Variants in DTNA observed in about 807,000 individuals in gnomAD.
DTNA encodes the protein dystrophin-related protein 3.
A neutral mutation model predicts 100.7 loss-of-function variants in DTNA; 43 were observed. The ratio of observed to expected loss-of-function variants is 0.43; its 90% confidence interval spans 0.33 to 0.55. The LOEUF (loss-of-function observed/expected upper bound fraction) is 0.55, where lower values mean the gene tolerates loss of function less well. Among genes scored for constraint, DTNA ranks in the 20% least tolerant of loss-of-function variants. The probability of loss-of-function intolerance (pLI) is 0.04; values close to 1 mark genes in which losing one functional copy is unlikely to be tolerated. For missense variants in DTNA, 798 were observed against 953.9 expected (o/e 0.84, Z 2.15); for synonymous variants, 349 against 347.9 (o/e 1.00, Z -0.04).
chr18:34,621,610 T>C (rs73412427), intron 1 of DTNA, among the ~76,000 whole-genome samples: 2,669 of 152,238 alleles, frequency 0.018, 80 homozygotes, highest in African/African-American at 0.061. Flanking sequence ...CACTTACATA[T>C]GGAATCTAAA....
At chr18:34,790,714 T>C (rs2094700928) in intron 3 of DTNA, among the ~76,000 whole-genome samples, 1 of 151,360 alleles carries the variant, frequency 6.6e-6, no homozygotes, top group South Asian at 2.1e-4. Context: ...AGCATACAAG[T>C]GATATGTCAA....
chr18:34,522,312 A>G (rs1375946481), intron 1 of DTNA, among the ~76,000 whole-genome samples: 1 of 152,182 alleles, frequency 6.6e-6, no homozygotes, highest in Admixed American at 6.5e-5. Flanking sequence ...AGGGCTATAA[A>G]GAGGGCATGC....
chr18:34,763,387 T>C (rs566273621), intron 2 of DTNA, among the ~76,000 whole-genome samples: 112 of 152,256 alleles, frequency 7.4e-4, no homozygotes, highest in African/African-American at 2.6e-3. Flanking sequence ...TTAAGAATTT[T>C]AAAAGATTCA....
At chr18:34,577,931 GTTT>G (rs35293190) in intron 1 of DTNA, among the ~76,000 whole-genome samples, 1 of 139,546 alleles carries the variant, frequency 7.2e-6, no homozygotes, top group Non-Finnish European at 1.6e-5. Context: ...ACATGTGCAA[GTTT>G]TTTTTTTTTT....
chr18:34,886,724 C>T (rs1415556269), intron 22 of DTNA, among the ~76,000 whole-genome samples: 3 of 152,150 alleles, frequency 2.0e-5, no homozygotes, highest in Non-Finnish European at 4.4e-5. Context: ...TTTACTGCAT[C>T]CTGTAGCCTA....
intron 1 of DTNA, among the ~76,000 whole-genome samples, chr18:34,752,575 A>G (rs1409392878): frequency 6.6e-6 from 1 of 152,240 alleles, no homozygotes; most frequent in Non-Finnish European, 1.5e-5. Context: ...AATGAGTAAT[A>G]GGTGAGTATT....
At position 34,884,399 on chromosome 18, in the gene DTNA, C is replaced by T. The variant is rs911593949; in HGVS notation, c.2296-329C>T. Among the ~76,000 whole-genome samples, 6 of 152,150 alleles carry T rather than the reference C, an allele frequency of 3.9e-5. No individual in the cohort carries two copies. In the South Asian group the frequency reaches 6.2e-4, roughly 16 times the overall value. On this transcript the variant is annotated intron_variant, in intron 21 of 22. Coordinates refer to ENST00000444659, the MANE Select transcript of DTNA (RefSeq NM_001386795.1). Reference sequence around the variant, plus strand: ...AAGATTCAACTGGAGTTTTTACCATCGCTGGTAAATCTTAAGCTCCCTCTC... The same window carrying T: ...AAGATTCAACTGGAGTTTTTACCATTGCTGGTAAATCTTAAGCTCCCTCTC...
At position 34,890,017 on chromosome 18, in the gene DTNA, A is replaced by C; in HGVS notation, c.*2283A>C. ...TATAATGCTGTCAGCTCAAAATCAT[A>C]GCCAGGTAGTTCTTGAACTCAGAAC... is the stretch of plus-strand genomic sequence containing the variant. On this transcript the variant is annotated 3_prime_UTR_variant, in exon 23 of 23. Transcript: ENST00000444659. 8.0e-7 allele frequency: 1 copy of C among 1,246,812 alleles called. No individual in the cohort carries two copies. The highest frequency in any genetic ancestry group is 1.0e-6 in the Non-Finnish European group (1 of 991,442). 77.2% of individuals were successfully genotyped at this position (1,246,812 alleles called of 1,614,324 possible). A position where few individuals can be genotyped will look rare whatever the true frequency, so the allele number is the denominator to read the frequency against.
At chr18:34,861,692 A>G (rs1418217314) in intron 16 of DTNA, among the ~76,000 whole-genome samples, 2 of 152,106 alleles carry the variant, frequency 1.3e-5, no homozygotes, top group Non-Finnish European at 2.9e-5. Context: ...TTATACCTAC[A>G]TTTGGAAAAC....
chr18:34,880,691 A>C (rs929800976), intron 20 of DTNA, among the ~76,000 whole-genome samples: 2 of 152,238 alleles, frequency 1.3e-5, no homozygotes, highest in Non-Finnish European at 2.9e-5. Flanking sequence ...GTGAATAAAC[A>C]ATCAGTAATC....
At chr18:34,520,004 T>C (rs1287651669) in intron 1 of DTNA, among the ~76,000 whole-genome samples, 1 of 152,184 alleles carries the variant, frequency 6.6e-6, no homozygotes, top group African/African-American at 2.4e-5. Context: ...GTAGGTACAG[T>C]TCTAGAAGAA....
intron 20 of DTNA, among the ~76,000 whole-genome samples, 180 bp from the exon 21 acceptor site, chr18:34,881,889 C>T (rs933810344): frequency 6.6e-6 from 1 of 152,050 alleles, no homozygotes; most frequent in African/African-American, 2.4e-5. Context: ...GATCATATAT[C>T]GCTTCAAACC....
intron 3 of DTNA, among the ~76,000 whole-genome samples, chr18:34,777,207 A>G (rs2094104672): frequency 6.6e-6 from 1 of 152,212 alleles, no homozygotes; most frequent in Non-Finnish European, 1.5e-5. Flanking sequence ...GGCAAAGATC[A>G]GTGTATGTCT....
chr18:34,506,845 T>C (rs1416357438), intron 1 of DTNA, among the ~76,000 whole-genome samples: 1 of 152,202 alleles, frequency 6.6e-6, no homozygotes, highest in Non-Finnish European at 1.5e-5. Context: ...TACAGGGGTT[T>C]CAGTTGTACT....
intron 1 of DTNA, among the ~76,000 whole-genome samples, chr18:34,718,378 G>T (rs1006631542): frequency 2.6e-5 from 4 of 152,090 alleles, no homozygotes; most frequent in Admixed American, 1.3e-4. Context: ...AAAAATACAA[G>T]AATTTTAAAA....
At chr18:34,550,207 C>A (rs963702799) in intron 1 of DTNA, among the ~76,000 whole-genome samples, 3 of 152,052 alleles carry the variant, frequency 2.0e-5, no homozygotes, top group Non-Finnish European at 4.4e-5. Context: ...TTGTTATAAA[C>A]TAGAGGGTTT....
At chr18:34,684,304 C>A (rs572490957) in intron 1 of DTNA, among the ~76,000 whole-genome samples, 1 of 152,096 alleles carries the variant, frequency 6.6e-6, no homozygotes, top group African/African-American at 2.4e-5. Flanking sequence ...CCCTTGCCCC[C>A]CATCCCGCAA....
At chr18:34,848,124 A>G (rs1467691330) in intron 13 of DTNA, among the ~76,000 whole-genome samples, 172 bp from the exon 14 acceptor site, 2 of 152,230 alleles carry the variant, frequency 1.3e-5, no homozygotes, top group East Asian at 3.8e-4. Flanking sequence ...CCGACTATAT[A>G]TTAGATCATG....
At chr18:34,700,922 C>A (rs922439312) in intron 1 of DTNA, among the ~76,000 whole-genome samples, 1 of 152,200 alleles carries the variant, frequency 6.6e-6, no homozygotes, top group Non-Finnish European at 1.5e-5. Flanking sequence ...TCATCTGCAG[C>A]CTTCAACTCC....
Sources: allele counts gnomAD v4.1 joint callset (sites outside exome capture counted in the v4.1 genomes callset), GRCh38; gene constraint gnomAD v4.1.1; transcripts MANE v1.5; gene names NCBI Gene and HGNC (gene_info 2026-07-23, HGNC 2026-07-21).